Variants in ULK4 observed in about 807,000 individuals in gnomAD.
The protein encoded by ULK4 is inactive serine/threonine-protein kinase ULK4.
ULK4 carries 133 observed loss-of-function variants against 160.6 expected under a neutral mutation model. The ratio of observed to expected loss-of-function variants is 0.83; its 90% CI spans 0.72 to 0.96. The LOEUF (loss-of-function observed/expected upper bound fraction) is 0.96. Among genes scored for constraint, ULK4 ranks in the 40% least tolerant of loss-of-function variants. ULK4 has a pLI of 0.00. For missense variants in ULK4, 1,580 were observed against 1,499.5 expected, an observed-to-expected ratio of 1.05 and a Z score of -0.89; for synonymous variants, 534 against 539.8, an observed-to-expected ratio of 0.99 and a Z score of 0.15.
chr3:41,781,531 C>T (rs1575699159), intron 21 of ULK4, among the ~76,000 whole-genome samples: 2 of 151,656 alleles, frequency 1.3e-5, no homozygotes, highest in Admixed American at 1.3e-4. Flanking sequence ...AATTCCTTGT[C>T]TTCTACAGAT....
At chr3:41,361,565 T>C (rs539886119) in intron 35 of ULK4, among the ~76,000 whole-genome samples, 1 of 152,204 alleles carries the variant, frequency 6.6e-6, no homozygotes, top group African/African-American at 2.4e-5. Flanking sequence ...CAGTTAAAAG[T>C]ACATCATTTG....
intron 17 of ULK4, among the ~76,000 whole-genome samples, chr3:41,874,078 C>A (rs1048157297): frequency 2.0e-5 from 3 of 151,850 alleles, no homozygotes; most frequent in African/African-American, 7.3e-5. Flanking sequence ...TCAGAAAGTG[C>A]AACAAGTGCT....
chr3:41,398,915 C>A (rs7629070), intron 34 of ULK4, among the ~76,000 whole-genome samples: 13 of 151,788 alleles, frequency 8.6e-5, no homozygotes, highest in African/African-American at 3.1e-4. Flanking sequence ...ATATACTTTA[C>A]CTCATACATA....
intron 32 of ULK4, among the ~76,000 whole-genome samples, chr3:41,512,203 C>T (rs947517852): frequency 6.6e-5 from 10 of 152,096 alleles, no homozygotes; most frequent in African/African-American, 2.4e-4. Flanking sequence ...GAAAGCATTC[C>T]CCCTGAGAAC....
At chr3:41,743,278 T>C (rs1026007938) in intron 22 of ULK4, among the ~76,000 whole-genome samples, 1 of 150,806 alleles carries the variant, frequency 6.6e-6, no homozygotes, top group African/African-American at 2.5e-5. Flanking sequence ...ATTTGAACCA[T>C]GATATGAAAC....
chr3:41,653,347 A>G (rs1271180634), intron 30 of ULK4, among the ~76,000 whole-genome samples: 1 of 152,140 alleles, frequency 6.6e-6, no homozygotes, highest in Non-Finnish European at 1.5e-5. Flanking sequence ...AACCACAGTA[A>G]AAGTTCTTGT....
intron 5 of ULK4, among the ~76,000 whole-genome samples, chr3:41,920,621 T>A (rs1282820225): frequency 6.6e-6 from 1 of 152,096 alleles, no homozygotes; most frequent in Non-Finnish European, 1.5e-5. Flanking sequence ...TGGTGCACAC[T>A]CTCTGCATTC....
intron 30 of ULK4, among the ~76,000 whole-genome samples, chr3:41,645,919 T>C (rs575670195): frequency 2.0e-5 from 3 of 152,242 alleles, no homozygotes; most frequent in Non-Finnish European, 4.4e-5. Flanking sequence ...GCTCTTCTTG[T>C]TGAATTGATC....
intron 36 of ULK4, among the ~76,000 whole-genome samples, chr3:41,248,924 T>G (rs2371485): frequency 6.6e-6 from 1 of 152,212 alleles, no homozygotes; most frequent in Non-Finnish European, 1.5e-5. Context: ...AGCCAAGGAC[T>G]GGGAGGCTAG....
At chr3:41,460,192 T>C (rs1490150783) in intron 33 of ULK4, among the ~76,000 whole-genome samples, 1 of 152,094 alleles carries the variant, frequency 6.6e-6, no homozygotes, top group Non-Finnish European at 1.5e-5. Flanking sequence ...TACTGACACA[T>C]CTGCAAATCA....
At chr3:41,690,039 C>T (rs547851995) in intron 27 of ULK4, among the ~76,000 whole-genome samples, 34 of 145,158 alleles carry the variant, frequency 2.3e-4, no homozygotes, top group African/African-American at 3.3e-4. Context: ...TTGGAACCAA[C>T]CCAAATGTCC....
At chr3:41,918,409 A>T in intron 7 of ULK4, 48 bp downstream of exon 7, 3 of 1,317,144 alleles carry the variant, frequency 2.3e-6, no homozygotes, top group Non-Finnish European at 3.2e-6. Context: ...GTACACCTTT[A>T]ATCAGTGTAA....
At chr3:41,786,393 G>A (rs2039997824) in intron 21 of ULK4, among the ~76,000 whole-genome samples, 1 of 151,994 alleles carries the variant, frequency 6.6e-6, no homozygotes, top group African/African-American at 2.4e-5. Flanking sequence ...CTGAATCCAG[G>A]AGTTCAAGAC....
At chr3:41,855,914 T>G (rs948851227) in intron 17 of ULK4, among the ~76,000 whole-genome samples, 2 of 152,164 alleles carry the variant, frequency 1.3e-5, no homozygotes, top group African/African-American at 4.8e-5. Flanking sequence ...AAAGGTACAT[T>G]CATAGCCTAG....
chr3:41,807,512 T>C (rs181584211), intron 19 of ULK4, among the ~76,000 whole-genome samples: 3 of 152,320 alleles, frequency 2.0e-5, no homozygotes, highest in African/African-American at 4.8e-5. Context: ...GCTAGTTATA[T>C]ATCCTTCACT....
At chr3:41,849,324 G>A (rs1183153338) in intron 17 of ULK4, among the ~76,000 whole-genome samples, 1 of 152,188 alleles carries the variant, frequency 6.6e-6, no homozygotes, top group Non-Finnish European at 1.5e-5. Context: ...CATTTGTATA[G>A]CAGCTAAGAT....
intron 19 of ULK4, among the ~76,000 whole-genome samples, chr3:41,818,813 A>T (rs1439659435): frequency 6.6e-6 from 1 of 152,226 alleles, no homozygotes; most frequent in African/African-American, 2.4e-5. Flanking sequence ...CAAATGGAAA[A>T]TGCCAACCTT....
In ULK4 at chr3:41,627,615, T is replaced by C. The variant is rs146133836; in HGVS notation, c.3072-11898A>G. Among the ~76,000 whole-genome samples, 41 of 152,324 alleles carry C rather than the reference T, an allele frequency of 2.7e-4. No individual in the cohort carries two copies. The East Asian group carries it at 7.5e-3, about 28-fold the overall frequency. ...GATTTTCTGGCAACTACCTCAGTAT[T>C]TAATTTATGATTAACATTACTGAGC... On this transcript the variant is annotated intron_variant, in intron 30 of 36. Transcript: ENST00000301831.
chr3:41,869,642 C>T (rs1447175574), intron 17 of ULK4, among the ~76,000 whole-genome samples: 2 of 152,110 alleles, frequency 1.3e-5, no homozygotes, highest in Non-Finnish European at 2.9e-5. Flanking sequence ...TATAGGGATA[C>T]AATAAAATCC....
Sources: gnomAD v4.1 joint callset for allele counts (sites outside exome capture counted in the v4.1 genomes callset) on GRCh38, gnomAD v4.1.1 for gene constraint, MANE v1.5 for transcripts, NCBI Gene and HGNC (gene_info 2026-07-23, HGNC 2026-07-21) for gene names.